NF1: variants seen among roughly 807,000 people sequenced by gnomAD.
NF1 encodes neurofibromin 1, also known as neurofibromin.
In NF1, 122 loss-of-function variants were observed where a neutral mutation model predicts 325.7. That is an observed-to-expected ratio of 0.37 (90% confidence interval 0.32 to 0.44). The LOEUF (loss-of-function observed/expected upper bound fraction) is 0.44, where lower values mean the gene tolerates loss of function less well. Ranked by LOEUF, NF1 falls within the 20% of genes least tolerant of loss-of-function variation. The pLI is 1.00. For missense variants in NF1, 2,140 were observed against 3,415.4 expected, an observed-to-expected ratio of 0.63 and a Z score of 9.31; for synonymous variants, 1,091 against 1,186.0, an observed-to-expected ratio of 0.92 and a Z score of 1.65.
chr17:31,261,661 T>G, intron 34 of NF1, 50 bp from the exon 35 acceptor site: 1 of 1,606,416 alleles, frequency 6.2e-7, no homozygotes, highest in East Asian at 2.2e-5. Flanking sequence ...AAATGTGTAG[T>G]GCTAAATGTG....
At chr17:31,277,766 C>T (rs1024532526) in intron 36 of NF1, among the ~76,000 whole-genome samples, 1 of 152,218 alleles carries the variant, frequency 6.6e-6, no homozygotes, top group African/African-American at 2.4e-5. Context: ...GGGTGACCCT[C>T]TCCACACAAC....
chr17:31,165,836 C>T (rs1185989100), intron 4 of NF1, among the ~76,000 whole-genome samples: 1 of 151,888 alleles, frequency 6.6e-6, no homozygotes. Flanking sequence ...ACTACAGGCA[C>T]GTGCCACCAT....
chr17:31,330,196 C>G, intron 38 of NF1, 100 bp from the exon 39 acceptor site: 1 of 996,056 alleles, frequency 1.0e-6, no homozygotes. Flanking sequence ...AATAGTTGAT[C>G]ATACTTTGTA....
intron 5 of NF1, among the ~76,000 whole-genome samples, chr17:31,172,371 CTTTCTCTCTT>C (rs1415102944): frequency 4.1e-5 from 6 of 145,954 alleles, no homozygotes; most frequent in Non-Finnish European, 9.3e-5. Context: ...CTCTCTCTCT[CTTTCTCTCTT>C]TCTCTCGATA....
chr17:31,106,357 AT>A (rs372643978), intron 1 of NF1, among the ~76,000 whole-genome samples: 6 of 152,010 alleles, frequency 3.9e-5, no homozygotes, highest in Admixed American at 1.3e-4. Context: ...TCTGTGCAGT[AT>A]TTTTTTTCTA....
intron 31 of NF1, among the ~76,000 whole-genome samples, chr17:31,256,526 G>T (rs559477450): frequency 6.6e-6 from 1 of 152,278 alleles, no homozygotes; most frequent in Non-Finnish European, 1.5e-5. Context: ...ATTATGTGAA[G>T]AATTTTGTGT....
intron 4 of NF1, among the ~76,000 whole-genome samples, chr17:31,169,200 T>A (rs2065893029): frequency 6.6e-6 from 1 of 152,176 alleles, no homozygotes; most frequent in African/African-American, 2.4e-5. Context: ...ATATTTGACA[T>A]GGTTCTGATA....
intron 29 of NF1, among the ~76,000 whole-genome samples, chr17:31,236,806 A>G (rs1400387876): frequency 6.6e-6 from 1 of 152,002 alleles, no homozygotes; most frequent in Non-Finnish European, 1.5e-5. Flanking sequence ...GTTACCAGGT[A>G]CTACCCACGA....
At chr17:31,211,341 A>C (rs1040037342) in intron 12 of NF1, among the ~76,000 whole-genome samples, 2 of 152,258 alleles carry the variant, frequency 1.3e-5, no homozygotes, top group Admixed American at 6.5e-5. Flanking sequence ...TAAAATTAAA[A>C]GGTATTTGAG....
intron 48 of NF1, among the ~76,000 whole-genome samples, chr17:31,343,860 G>A (rs1476311939): frequency 6.6e-6 from 1 of 151,842 alleles, no homozygotes; most frequent in Non-Finnish European, 1.5e-5. Context: ...GGATGCTGAG[G>A]AAGGAGAATC....
intron 8 of NF1, among the ~76,000 whole-genome samples, chr17:31,192,150 A>C (rs764925059): frequency 6.6e-6 from 1 of 152,204 alleles, no homozygotes; most frequent in Non-Finnish European, 1.5e-5. Flanking sequence ...TATTTTGCTC[A>C]TCTTTTGAGA....
chr17:31,180,514 A>T (rs2066109081), intron 5 of NF1, among the ~76,000 whole-genome samples: 1 of 152,206 alleles, frequency 6.6e-6, no homozygotes, highest in Non-Finnish European at 1.5e-5. Context: ...ATCTCAATAG[A>T]TACAGAAAAG....
intron 36 of NF1, among the ~76,000 whole-genome samples, chr17:31,317,385 A>G (rs879074792): frequency 2.0e-5 from 3 of 151,632 alleles, no homozygotes; most frequent in South Asian, 2.1e-4. Flanking sequence ...ACACACACAC[A>G]CACACACACA....
chr17:31,309,156 G>A (rs1281767739), intron 36 of NF1, among the ~76,000 whole-genome samples: 5 of 152,076 alleles, frequency 3.3e-5, no homozygotes, highest in African/African-American at 1.2e-4. Flanking sequence ...TTGTACCCAG[G>A]GCCACCTGAT....
chr17:31,313,732 G>A (rs1305478293), intron 36 of NF1, among the ~76,000 whole-genome samples: 8 of 145,664 alleles, frequency 5.5e-5, no homozygotes, highest in Admixed American at 4.1e-4. Context: ...ATGTGTGTGT[G>A]TGTGTGTGTG....
intron 36 of NF1, among the ~76,000 whole-genome samples, chr17:31,284,983 GC>G: frequency 6.6e-6 from 1 of 152,234 alleles, no homozygotes; most frequent in East Asian, 1.9e-4. Flanking sequence ...AGCCGGGCAT[GC>G]TTTGCGCGCC....
At chr17:31,310,957 T>TC (rs1315161660) in intron 36 of NF1, among the ~76,000 whole-genome samples, 9 of 151,116 alleles carry the variant, frequency 6.0e-5, no homozygotes, top group African/African-American at 1.7e-4. Context: ...TTTTTTTTTT[T>TC]CCGTTTGGAG....
At chr17:31,114,778 C>T (rs774499255) in intron 1 of NF1, among the ~76,000 whole-genome samples, 4 of 151,904 alleles carry the variant, frequency 2.6e-5, no homozygotes, top group Non-Finnish European at 2.9e-5. Context: ...CACTTGAACC[C>T]GGGAGGTGGA....
At chr17:31,260,906 A>T (rs2067674891) in intron 34 of NF1, among the ~76,000 whole-genome samples, 1 of 152,092 alleles carries the variant, frequency 6.6e-6, no homozygotes, top group South Asian at 2.1e-4. Context: ...TCTATGATAA[A>T]CTCATTCGTG....
Sources: allele counts gnomAD v4.1 joint callset (sites outside exome capture counted in the v4.1 genomes callset), GRCh38; gene constraint gnomAD v4.1.1; transcripts MANE v1.5; gene names NCBI Gene and HGNC (gene_info 2026-07-23, HGNC 2026-07-21).